The following FTO variants were observed in gnomAD, a reference collection of about 807,000 sequenced individuals.
FTO encodes the protein alpha-ketoglutarate-dependent dioxygenase FTO.
A neutral mutation model predicts 63.9 loss-of-function variants in FTO; 47 were observed. The observed-to-expected ratio is 0.74, with a 90% CI of 0.58 to 0.94. The LOEUF (loss-of-function observed/expected upper bound fraction) is 0.94. Ranked by LOEUF, FTO falls within the 40% of genes least tolerant of loss-of-function variation. The pLI is 0.00. For synonymous variants in FTO, 207 were observed against 224.4 expected (o/e 0.92, Z 0.69); for missense variants, 562 against 618.1 (o/e 0.91, Z 0.96).
chr16:54,037,957 A>C (rs1209332664), intron 8 of FTO, among the ~76,000 whole-genome samples: 1 of 152,248 alleles, frequency 6.6e-6, no homozygotes, highest in Non-Finnish European at 1.5e-5. Context: ...TATTTAATAC[A>C]AATACACCCT....
At chr16:53,993,464 T>C (rs2083860580) in intron 8 of FTO, 1 of 152,180 alleles carries the variant, frequency 6.6e-6, no homozygotes, top group African/African-American at 2.4e-5. Context: ...AAATAAAACA[T>C]GAAGCCATGG....
At chr16:54,101,052 G>A (rs531300649) in intron 8 of FTO, among the ~76,000 whole-genome samples, 1 of 152,026 alleles carries the variant, frequency 6.6e-6, no homozygotes, top group Non-Finnish European at 1.5e-5. Flanking sequence ...CTGGAGGTAC[G>A]ATCTGAGCAC....
intron 7 of FTO, among the ~76,000 whole-genome samples, chr16:53,924,879 G>A (rs189530243): frequency 2.0e-5 from 3 of 152,202 alleles, no homozygotes; most frequent in South Asian, 2.1e-4. Flanking sequence ...CTTTGGTGGT[G>A]CCCAGTCCAG....
At chr16:54,111,653 C>T in intron 8 of FTO, 109 bp from the exon 9 acceptor site, 6 of 1,173,586 alleles carry the variant, frequency 5.1e-6, no homozygotes, top group Non-Finnish European at 7.7e-6. Flanking sequence ...ACCTTCACCC[C>T]CGAGGACTGT....
At position 53,860,210 on chromosome 16, in the gene FTO, A is replaced by G. The variant is rs1453925247; in HGVS notation, c.896-13576A>G. ...GGAATATGTTATGCTAAGTGAAATAAGCAAGGCACAGAAAGACAAATACCA... is the reference window on the plus strand; with the variant it reads ...GGAATATGTTATGCTAAGTGAAATAGGCAAGGCACAGAAAGACAAATACCA... On this transcript the variant is annotated intron_variant, in intron 4 of 8. Coordinates refer to ENST00000471389, the MANE Select transcript of FTO (RefSeq NM_001080432.3). 2.6e-5 allele frequency among the ~76,000 whole-genome samples: 4 copies of G among 152,334 alleles called. No homozygotes were observed. In the East Asian group the frequency reaches 7.7e-4, roughly 29 times the overall value.
rs1417393949 is a variant in FTO, at chr16:54,113,368, AG to A, written c.*1455del. 6.6e-6 allele frequency: 1 copy of A among 152,224 alleles called. No individual in the cohort carries two copies. Among genetic ancestry groups the A allele is most frequent in the Non-Finnish European group, 1.5e-5 (1 of 68,066 alleles). 9.4% of individuals were successfully genotyped at this position (152,224 alleles called of 1,614,324 possible). A position where few individuals can be genotyped will look rare whatever the true frequency, so the allele number is the denominator to read the frequency against. On this transcript the variant is annotated 3_prime_UTR_variant, in exon 9 of 9. Coordinates refer to ENST00000471389, the MANE Select transcript of FTO (RefSeq NM_001080432.3). ...AAGTTGAAGAGCTTTTGCCTATTGA[AG>A]GTGCACTGAGAATAAACTCTTTCCT... is the stretch of plus-strand genomic sequence containing the variant.
At chr16:53,760,104 G>A (rs1266546196) in intron 1 of FTO, among the ~76,000 whole-genome samples, 3 of 152,018 alleles carry the variant, frequency 2.0e-5, no homozygotes, top group Admixed American at 2.0e-4. Flanking sequence ...CCTGGTTATT[G>A]TATTCCTGAG....
intron 1 of FTO, among the ~76,000 whole-genome samples, chr16:53,757,377 G>A (rs1404500055): frequency 5.9e-5 from 9 of 152,014 alleles, no homozygotes; most frequent in Admixed American, 5.9e-4. Context: ...ATTTGAACAT[G>A]TCTAAACTGT....
At chr16:53,873,638 A>G in intron 4 of FTO, 148 bp from the exon 5 acceptor site, 1 of 630,114 alleles carries the variant, frequency 1.6e-6, no homozygotes, top group Non-Finnish European at 2.8e-6. Context: ...GGGATTGATT[A>G]AAGAATACAA....
chr16:53,845,662 G>C (rs1208827365), intron 4 of FTO, among the ~76,000 whole-genome samples: 1 of 152,134 alleles, frequency 6.6e-6, no homozygotes, highest in Non-Finnish European at 1.5e-5. Context: ...TAAATATAGA[G>C]AAACCAAAAC....
intron 8 of FTO, among the ~76,000 whole-genome samples, chr16:54,018,213 T>C (rs891504662): frequency 6.6e-6 from 1 of 152,150 alleles, no homozygotes; most frequent in Non-Finnish European, 1.5e-5. Context: ...GTAAAATACT[T>C]GGTCAAAATT....
intron 1 of FTO, among the ~76,000 whole-genome samples, chr16:53,806,367 A>G (rs2078368055): frequency 6.6e-6 from 1 of 152,210 alleles, no homozygotes; most frequent in African/African-American, 2.4e-5. Context: ...TATTTTGAGT[A>G]GTCTTGGCTC....
chr16:53,944,346 C>T (rs772268777), intron 8 of FTO, among the ~76,000 whole-genome samples: 2 of 152,124 alleles, frequency 1.3e-5, no homozygotes, highest in South Asian at 2.1e-4. Flanking sequence ...ATGTGCCCAG[C>T]GACAGTGAGA....
At chr16:53,896,168 T>G (rs1305112501) in intron 7 of FTO, among the ~76,000 whole-genome samples, 1 of 152,220 alleles carries the variant, frequency 6.6e-6, no homozygotes, top group Non-Finnish European at 1.5e-5. Flanking sequence ...CTGCTAGAAT[T>G]CATTTTGGAT....
intron 8 of FTO, among the ~76,000 whole-genome samples, chr16:54,017,993 G>A (rs1182589893): frequency 1.3e-5 from 2 of 151,900 alleles, no homozygotes; most frequent in Non-Finnish European, 2.9e-5. Context: ...CTACCTCTGT[G>A]AACATTTTGG....
intron 1 of FTO, among the ~76,000 whole-genome samples, chr16:53,805,098 T>A (rs1250252382): frequency 6.6e-6 from 1 of 152,146 alleles, no homozygotes; most frequent in Non-Finnish European, 1.5e-5. Context: ...AAAATTAAAT[T>A]TTTACTGAAC....
At chr16:53,754,630 T>A (rs1311657888) in intron 1 of FTO, among the ~76,000 whole-genome samples, 1 of 151,910 alleles carries the variant, frequency 6.6e-6, no homozygotes, top group East Asian at 1.9e-4. Context: ...AGAGCGAGAC[T>A]TCGTCTCAAA....
At chr16:53,834,830 A>G (rs1298115774) in intron 3 of FTO, among the ~76,000 whole-genome samples, 1 of 152,034 alleles carries the variant, frequency 6.6e-6, no homozygotes, top group East Asian at 1.9e-4. Flanking sequence ...AACATTATAT[A>G]TTGGCTTCCT....
intron 1 of FTO, among the ~76,000 whole-genome samples, chr16:53,806,079 A>G (rs1308359499): frequency 6.6e-6 from 1 of 152,174 alleles, no homozygotes; most frequent in East Asian, 1.9e-4. Context: ...GCGCATTTTA[A>G]TGTTGTGTGT....
Sources: allele counts gnomAD v4.1 joint callset (sites outside exome capture counted in the v4.1 genomes callset), GRCh38; gene constraint gnomAD v4.1.1; transcripts MANE v1.5; gene names NCBI Gene and HGNC (gene_info 2026-07-23, HGNC 2026-07-21).